Variants in FEZ2 observed in about 807,000 individuals in gnomAD.
The protein encoded by FEZ2 is fasciculation and elongation protein zeta-2.
In FEZ2, 51 loss-of-function variants were observed where a neutral mutation model predicts 40.4. The observed-to-expected ratio is 1.26, with a 90% CI of 1.01 to 1.59. The LOEUF (loss-of-function observed/expected upper bound fraction) is 1.59. Ranked by LOEUF, FEZ2 falls within the 40% of genes most tolerant of loss-of-function variation. The pLI is 0.00. For synonymous variants in FEZ2, 242 were observed against 172.0 expected (o/e 1.41, Z -3.18); for missense variants, 640 against 438.3 (o/e 1.46, Z -4.11).
chr2:36,558,402 G>GA, intron 6 of FEZ2, 36 bp downstream of exon 6: 1 of 1,326,704 alleles, frequency 7.5e-7, no homozygotes, highest in Non-Finnish European at 1.0e-6. Flanking sequence ...TCAGCAAAAG[G>GA]AAATCAGGTA....
Position 36,598,053 on chromosome 2 carries a change from G to T in FEZ2, c.90C>A (p.Pro30=). 1.4e-6 allele frequency: 2 copies of T among 1,447,070 alleles called. No homozygotes were observed. The highest frequency in any genetic ancestry group is 9.1e-7 in the Non-Finnish European group (1 of 1,101,832). The allele number at this position is 1,447,070 out of a possible 1,614,324, so 89.6% of individuals were successfully genotyped here. A position where few individuals can be genotyped will look rare whatever the true frequency, so the allele number is the denominator to read the frequency against. ...LLDQENCNAS[P]EPGAEAGAEA... ...CGGCCCCCGCCTCCGCCCCAGGCTCGGGGCTCGCGTTACAGTTCTCCTGGT... is the reference window on the plus strand; with the variant it reads ...CGGCCCCCGCCTCCGCCCCAGGCTCTGGGCTCGCGTTACAGTTCTCCTGGT... Residue 30 remains proline (P), a synonymous_variant, in exon 1 of 8, where the codon CCC becomes CCA. Coordinates refer to ENST00000405912, the MANE Select transcript of FEZ2 (RefSeq NM_005102.3).
rs766424883 is a variant in FEZ2 at position 36,581,310 on chromosome 2, C to T, written c.614G>A (p.Ser205Asn). 8 of 1,613,748 alleles carry T rather than the reference C, an allele frequency of 5.0e-6. No homozygotes were observed. The highest frequency in any genetic ancestry group is 6.8e-6 in the Non-Finnish European group (8 of 1,179,802). The change falls in exon 4 of 8, where the codon AGT (serine) becomes AAT (asparagine). Residue 205 changes from serine to asparagine, a missense_variant. Physicochemically the swap from Ser to Asn is conservative, Grantham distance 46 (BLOSUM62 1). Transcript: ENST00000405912. Reference sequence around the variant, plus strand: ...CTTACTCTCTTCATAACTGCCGGTACTAGACCTCTTGAGAGTTTGAATTTC... The same window carrying T: ...CTTACTCTCTTCATAACTGCCGGTATTAGACCTCTTGAGAGTTTGAATTTC... Reference protein sequence around the residue: ...SQEIQTLKRSSTGSYEERVKR... With the variant: ...SQEIQTLKRSNTGSYEERVKR...
At chr2:36,584,846 G>T (rs138802281) in intron 2 of FEZ2, among the ~76,000 whole-genome samples, 1 of 152,196 alleles carries the variant, frequency 6.6e-6, no homozygotes, top group African/African-American at 2.4e-5. Context: ...AAACCTGCAC[G>T]TGAGAAGGGC....
intron 5 of FEZ2, among the ~76,000 whole-genome samples, chr2:36,560,209 A>T (rs924074960): frequency 3.9e-5 from 6 of 152,246 alleles, no homozygotes; most frequent in Non-Finnish European, 8.8e-5. Context: ...ATACTTGATT[A>T]TATATTCATA....
At chr2:36,558,557 C>A in intron 5 of FEZ2, 44 bp from the exon 6 acceptor site, 7 of 1,196,706 alleles carry the variant, frequency 5.8e-6, no homozygotes, top group Non-Finnish European at 8.1e-6. Context: ...ATCGGAATTA[C>A]CTTATCTGCA....
At chr2:36,567,811 T>C (rs1668290208) in intron 5 of FEZ2, among the ~76,000 whole-genome samples, 1 of 144,798 alleles carries the variant, frequency 6.9e-6, no homozygotes, top group Non-Finnish European at 1.5e-5. Flanking sequence ...AATCAAAGAG[T>C]AGCAAGTAGG....
At chr2:36,572,545 A>T (rs1668448030) in intron 5 of FEZ2, among the ~76,000 whole-genome samples, 1 of 152,208 alleles carries the variant, frequency 6.6e-6, no homozygotes, top group Non-Finnish European at 1.5e-5. Context: ...TAAGCCACAC[A>T]GTCTCTACGG....
chr2:36,555,661 C>T (rs751786873), intron 7 of FEZ2, 22 bp downstream of exon 7: 5 of 1,475,784 alleles, frequency 3.4e-6, no homozygotes, highest in South Asian at 2.4e-5. Context: ...AGCCATCGCA[C>T]CTATACCATT....
intron 6 of FEZ2, chr2:36,558,169 G>C (rs1000468273): frequency 7.7e-6 from 2 of 259,566 alleles, no homozygotes; most frequent in Non-Finnish European, 1.5e-5. Context: ...AGATGATGGA[G>C]ATTTAGGTTA....
At chr2:36,581,555 T>C (rs1195174650) in intron 3 of FEZ2, 124 bp from the exon 4 acceptor site, 2 of 789,900 alleles carry the variant, frequency 2.5e-6, no homozygotes, top group Non-Finnish European at 4.1e-6. Flanking sequence ...ACCAATGGTG[T>C]TCAGGTGTGG....
chr2:36,581,842 C>G (rs1186571404), intron 3 of FEZ2, among the ~76,000 whole-genome samples: 1 of 151,948 alleles, frequency 6.6e-6, no homozygotes, highest in Non-Finnish European at 1.5e-5. Context: ...TTAAAGGTAT[C>G]TCATCAAAAA....
intron 7 of FEZ2, among the ~76,000 whole-genome samples, chr2:36,553,416 G>A (rs963270983): frequency 1.3e-5 from 2 of 152,088 alleles, no homozygotes; most frequent in Non-Finnish European, 2.9e-5. Flanking sequence ...GTCTCTTAGG[G>A]TGCCACTTGG....
chr2:36,560,144 T>C (rs142116569), intron 5 of FEZ2, among the ~76,000 whole-genome samples: 1 of 152,354 alleles, frequency 6.6e-6, no homozygotes, highest in African/African-American at 2.4e-5. Flanking sequence ...TTTCCCATGT[T>C]CATGATATTC....
intron 2 of FEZ2, 21 bp downstream of exon 2, chr2:36,590,882 T>A: frequency 7.7e-7 from 1 of 1,302,074 alleles, no homozygotes; most frequent in South Asian, 1.2e-5. Flanking sequence ...TCAAACACTA[T>A]TGGTTCAATT....
intron 5 of FEZ2, among the ~76,000 whole-genome samples, chr2:36,559,754 G>C (rs1668045680): frequency 6.6e-6 from 1 of 152,216 alleles, no homozygotes; most frequent in Non-Finnish European, 1.5e-5. Flanking sequence ...CTGGCTACCT[G>C]GCTGCATCTT....
chr2:36,596,372 C>A (rs747942584), intron 1 of FEZ2, among the ~76,000 whole-genome samples: 1 of 152,194 alleles, frequency 6.6e-6, no homozygotes, highest in Non-Finnish European at 1.5e-5. Flanking sequence ...TTTCCGTGCC[C>A]GTGACTCCTG....
chr2:36,566,169 T>C (rs1385840433), intron 5 of FEZ2, among the ~76,000 whole-genome samples: 1 of 152,002 alleles, frequency 6.6e-6, no homozygotes, highest in Non-Finnish European at 1.5e-5. Context: ...TGAAACACCA[T>C]CTCTACTAAA....
intron 3 of FEZ2, among the ~76,000 whole-genome samples, chr2:36,582,227 T>TAA (rs3836072): frequency 3.0e-4 from 44 of 148,810 alleles, no homozygotes; most frequent in Middle Eastern, 6.8e-3. Context: ...GACCTAAAGT[T>TAA]AAAAAAAAAA....
chr2:36,597,041 T>C (rs1669245349), intron 1 of FEZ2, among the ~76,000 whole-genome samples: 1 of 152,150 alleles, frequency 6.6e-6, no homozygotes, highest in Non-Finnish European at 1.5e-5. Flanking sequence ...TAATTATTAA[T>C]ATTACTTGTG....
Sources: gnomAD v4.1 joint callset for allele counts (sites outside exome capture counted in the v4.1 genomes callset) on GRCh38, gnomAD v4.1.1 for gene constraint, MANE v1.5 for transcripts, NCBI Gene and HGNC (gene_info 2026-07-23, HGNC 2026-07-21) for gene names.